The following RASA3 variants were observed in gnomAD, a reference collection of about 807,000 sequenced individuals.
The protein encoded by RASA3 is ras GTPase-activating protein 3.
RASA3 carries 73 observed loss-of-function variants against 110.0 expected under a neutral mutation model. The ratio of observed to expected loss-of-function variants is 0.66; its 90% confidence interval spans 0.55 to 0.81. The LOEUF is 0.81. RASA3 is among the 30% of genes least tolerant of loss of function. The pLI is 0.00. For missense variants in RASA3, 976 were observed against 1,113.2 expected (o/e 0.88, Z 1.75); for synonymous variants, 500 against 451.4 (o/e 1.11, Z -1.37).
intron 2 of RASA3, among the ~76,000 whole-genome samples, chr13:114,064,744 G>A (rs961316228): frequency 1.3e-5 from 2 of 152,322 alleles, no homozygotes; most frequent in Admixed American, 6.5e-5. Context: ...GCTTAACCTC[G>A]GGGTATCTCT....
rs201341686 is a variant in RASA3 at position 114,016,244 on chromosome 13, T to C, written c.1234A>G (p.Ile412Val). 120 of 1,600,832 alleles carry C rather than the reference T, an allele frequency of 7.5e-5. No homozygotes were observed. The highest frequency in any genetic ancestry group is 8.6e-5 in the Non-Finnish European group (101 of 1,168,190). ...CCGTCTTTCAACTTCACAGGGTCGA[T>C]TTCACAGGGTTTGTGGCTCTGGCAT... is the stretch of plus-strand genomic sequence containing the variant. Reference protein sequence around the residue: ...EICQSHKPCEIDPVKLKDGEN... With the variant: ...EICQSHKPCEVDPVKLKDGEN... The change falls in exon 13 of 24, where the codon ATC becomes GTC. Residue 412 changes from isoleucine (I) to valine (V), a missense_variant. This residue lies in a region of RASA3 where 732 missense variants were observed against 779.7 expected (regional missense o/e 0.94). Coordinates refer to ENST00000334062, the MANE Select transcript of RASA3 (RefSeq NM_007368.4).
intron 2 of RASA3, among the ~76,000 whole-genome samples, chr13:114,062,291 C>CT (rs1395491099): frequency 5.3e-5 from 8 of 151,450 alleles, no homozygotes; most frequent in African/African-American, 1.5e-4. Flanking sequence ...CAACAAATTG[C>CT]TTTTTTTTAA....
At chr13:114,101,201 C>T (rs2080056364) in intron 1 of RASA3, among the ~76,000 whole-genome samples, 1 of 152,144 alleles carries the variant, frequency 6.6e-6, no homozygotes, top group Non-Finnish European at 1.5e-5. Context: ...CAGAGAGGCC[C>T]AGAAAAAGGG....
intron 1 of RASA3, among the ~76,000 whole-genome samples, chr13:114,103,245 C>T (rs1594458498): frequency 1.3e-5 from 2 of 152,122 alleles, no homozygotes; most frequent in East Asian, 3.9e-4. Context: ...GTGTACCTGG[C>T]CCAAGTCGGG....
At chr13:114,124,055 C>T (rs528858625) in intron 1 of RASA3, among the ~76,000 whole-genome samples, 48 of 152,282 alleles carry the variant, frequency 3.2e-4, no homozygotes, top group Non-Finnish European at 4.7e-4. Context: ...CCCAGCCCCC[C>T]GGCCCAGCCC....
At chr13:114,052,648 C>A (rs1321296313) in intron 2 of RASA3, among the ~76,000 whole-genome samples, 1 of 151,932 alleles carries the variant, frequency 6.6e-6, no homozygotes, top group Non-Finnish European at 1.5e-5. Context: ...GAGACCCCCG[C>A]TGCTGACTGT....
chr13:114,040,924 A>T (rs2139464834), intron 4 of RASA3, 76 bp downstream of exon 4: 1 of 1,371,812 alleles, frequency 7.3e-7, no homozygotes, highest in East Asian at 2.3e-5. Flanking sequence ...CTTTAGCCAC[A>T]GTCGGAGCCG....
rs1021763375 is a variant in RASA3 at position 114,011,445 on chromosome 13, T to C, written c.1513-197A>G. ...ACAGTCTCAGGAGCTGCTGAGACCA[T>C]CCCGCAGGCAACATCCGACGGCACC... On this transcript the variant is annotated intron_variant, in intron 15 of 23. Transcript: ENST00000334062. The surrounding 1 kb of genome is among the most constrained non-coding windows in gnomAD (Gnocchi z 4.8). 3.3e-5 allele frequency among the ~76,000 whole-genome samples: 5 copies of C among 152,172 alleles called. No individual in the cohort carries two copies. The highest frequency in any genetic ancestry group is 3.9e-4 in the East Asian group (2 of 5,168).
At chr13:114,023,125 C>A (rs2053960013) in intron 8 of RASA3, among the ~76,000 whole-genome samples, 1 of 152,192 alleles carries the variant, frequency 6.6e-6, no homozygotes, top group Non-Finnish European at 1.5e-5. Context: ...ATTAAGGGTC[C>A]CCCCAGGGCA....
chr13:114,031,568 A>G (rs1281481609), intron 4 of RASA3, among the ~76,000 whole-genome samples: 1 of 148,946 alleles, frequency 6.7e-6, no homozygotes, highest in Non-Finnish European at 1.5e-5. Flanking sequence ...CTGTCTGTAC[A>G]TGCGACTGTG....
Position 114,009,435 on chromosome 13 carries a change from T to A in RASA3, c.1620A>T (p.Thr540=), listed in dbSNP as rs745506482. The A allele has an allele frequency of 7.4e-6, 12 of 1,612,160 alleles. No individual in the cohort carries two copies. Among genetic ancestry groups the A allele is most frequent in the Non-Finnish European group, 1.7e-6 (2 of 1,179,428 alleles). Residue 540 remains threonine (T), a synonymous_variant, in exon 17 of 24, where the codon ACA becomes ACT. Coordinates refer to ENST00000334062, the MANE Select transcript of RASA3 (RefSeq NM_007368.4). ...SASFKESYMA[T]FYEFFNEQKY... is the part of the protein sequence containing the mutation. ...TCTGCTCATTGAAGAATTCATAAAATGTAGCCATGTAGGACTCCTTAAAAC... is the reference window on the plus strand; with the variant it reads ...TCTGCTCATTGAAGAATTCATAAAAAGTAGCCATGTAGGACTCCTTAAAAC...
chr13:114,046,781 C>T (rs72659551), intron 3 of RASA3, among the ~76,000 whole-genome samples: 16,349 of 152,228 alleles, frequency 0.11, 1,147 homozygotes, highest in Middle Eastern at 0.17. Context: ...CAAACAGACC[C>T]ACACAATGCA....
chr13:114,007,558 C>T lies in RASA3; in HGVS notation c.1717G>A (p.Glu573Lys), dbSNP rs749311981. 7 of 1,613,566 alleles carry T rather than the reference C, an allele frequency of 4.3e-6. No individual in the cohort carries two copies. In the Admixed American group the frequency reaches 1.0e-4, roughly 23 times the overall value. The change falls in exon 18 of 24, where the codon GAG becomes AAG. Residue 573 changes from glutamate (E) to lysine (K), a missense_variant. By Grantham distance (56) the Glu-to-Lys change is moderately conservative. Transcript: ENST00000334062. ...CCTTCTTTAAGCACGATGGGCTGCT[C>T]AACACTCTTGGGGTCTCTTCTCCCC... ...SSGRRDPKSV[E>K]QPIVLKEGFM...
At chr13:114,080,138 C>T (rs988853660) in intron 1 of RASA3, among the ~76,000 whole-genome samples, 9 of 152,218 alleles carry the variant, frequency 5.9e-5, no homozygotes, top group Admixed American at 5.9e-4. Flanking sequence ...GGCCGCTGGG[C>T]TTGGATGGAG....
At chr13:114,032,326 G>A (rs368689265) in intron 4 of RASA3, among the ~76,000 whole-genome samples, 2 of 152,120 alleles carry the variant, frequency 1.3e-5, no homozygotes, top group Admixed American at 6.5e-5. Flanking sequence ...TTTGGACAAA[G>A]CTTCTCCTCC....
rs749098632 is a variant in RASA3, at chr13:114,016,297, C to T, written c.1207-26G>A. 5.2e-6 allele frequency: 8 copies of T among 1,525,144 alleles called. No homozygotes were observed. In the East Asian group the frequency reaches 1.8e-4, roughly 34 times the overall value. The allele number at this position is 1,525,144 out of a possible 1,614,324, so 94.5% of individuals were successfully genotyped here. On this transcript the variant is annotated intron_variant, in intron 12 of 23. Transcript: ENST00000334062. The stretch of plus-strand genomic sequence containing the variant: ...CTGGGGAGAGGTTTAAGACAGGGCT[C>T]TGTGAGTGGGTTCTGGGGGCACAGG...
chr13:114,073,924 G>A (rs1717562321), intron 1 of RASA3, 87 bp from the exon 2 acceptor site: 2 of 1,174,082 alleles, frequency 1.7e-6, no homozygotes, highest in Non-Finnish European at 2.6e-6. Flanking sequence ...GCCTTTGCTT[G>A]TGTGCATTCA....
In RASA3 at chr13:114,018,888, T is replaced by C. The variant is rs776541429; in HGVS notation, c.817A>G (p.Lys273Glu). ...CCCAGGTCGTCTGGCTTTAGGCTCTTGCTACCATTGTCCCGGGGCTGGAGG... is the reference window on the plus strand; with the variant it reads ...CCCAGGTCGTCTGGCTTTAGGCTCTCGCTACCATTGTCCCGGGGCTGGAGG... ...YFLQPRDNGS[K>E]SLKPDDLGSL... is the part of the protein sequence containing the mutation. The change falls in exon 10 of 24, where the codon AAG becomes GAG. Residue 273 changes from lysine (K) to glutamate (E), a missense_variant. Physicochemically the swap from Lys to Glu is moderately conservative, Grantham distance 56 (BLOSUM62 1). Around this residue, in one of 4 missense-constraint regions of RASA3, gnomAD observed 732 missense variants for 779.7 expected, o/e 0.94. Transcript: ENST00000334062. 5 of 1,613,850 alleles carry C rather than the reference T, an allele frequency of 3.1e-6. No homozygotes were observed. In the South Asian group the frequency reaches 4.4e-5, roughly 14 times the overall value.
At position 114,001,434 on chromosome 13, in the gene RASA3, C is replaced by T. The variant is rs561731015; in HGVS notation, c.1743-502G>A. Among the ~76,000 whole-genome samples the T allele has an allele frequency of 6.2e-4, 85 of 138,198 alleles. 1 individual carries two copies. The highest frequency in any genetic ancestry group is 2.0e-3 in the African/African-American group (80 of 39,590). The allele number at this position is 138,198 out of a possible 152,430, so 90.7% of individuals were successfully genotyped here. A position where few individuals can be genotyped will look rare whatever the true frequency, so the allele number is the denominator to read the frequency against. ...CTCACACACAGAGGACCTACGGCCG[C>T]GGGCTCGGGGTCAGGGTGGGCAGTG... On this transcript the variant is annotated intron_variant, in intron 18 of 23. Coordinates refer to ENST00000334062, the MANE Select transcript of RASA3 (RefSeq NM_007368.4).
Sources: gnomAD v4.1 joint callset for allele counts (sites outside exome capture counted in the v4.1 genomes callset) on GRCh38, gnomAD v4.1.1 for gene constraint, gnomAD v4.1.1 regional missense constraint, Gnocchi (gnomAD v3.1) non-coding constraint, MANE v1.5 for transcripts, NCBI Gene and HGNC (gene_info 2026-07-23, HGNC 2026-07-21) for gene names.